Variants in PELI2 observed in about 807,000 individuals in gnomAD.
The protein encoded by PELI2 is E3 ubiquitin-protein ligase pellino homolog 2.
In PELI2, 23 loss-of-function variants were observed where a neutral mutation model predicts 42.3. The ratio of observed to expected loss-of-function variants is 0.54; its 90% CI spans 0.39 to 0.77. The LOEUF (loss-of-function observed/expected upper bound fraction) is 0.77. Ranked by LOEUF, PELI2 falls within the 30% of genes least tolerant of loss-of-function variation. The probability of loss-of-function intolerance (pLI) is 0.00; values close to 1 mark genes in which losing one functional copy is unlikely to be tolerated. For synonymous variants in PELI2, 245 were observed against 212.2 expected (o/e 1.15, Z -1.34); for missense variants, 463 against 553.2 (o/e 0.84, Z 1.64).
intron 2 of PELI2, among the ~76,000 whole-genome samples, chr14:56,195,078 AC>A (rs1886086027): frequency 6.6e-6 from 1 of 152,212 alleles, no homozygotes; most frequent in Non-Finnish European, 1.5e-5. Context: ...CTTTTCCTTG[AC>A]ACATGTTTTG....
rs969916503 is a variant in PELI2 at position 56,180,030 on chromosome 14, A to G, written c.207+1566A>G. ...TCTTCTTTAATCTTTAGCCACTGCC[A>G]TCTCCTCCCATTTTAGCCTTTTATG... On this transcript the variant is annotated intron_variant, in intron 2 of 5. Coordinates refer to ENST00000267460, the MANE Select transcript of PELI2 (RefSeq NM_021255.3). The surrounding 1 kb of genome is among the most constrained non-coding windows in gnomAD (Gnocchi z 4.4). 6.6e-6 allele frequency among the ~76,000 whole-genome samples: 1 copy of G among 152,184 alleles called. No homozygotes were observed. Among genetic ancestry groups the G allele is most frequent in the African/African-American group, 2.4e-5 (1 of 41,466 alleles).
chr14:56,263,799 CA>C (rs1347059425), intron 2 of PELI2, among the ~76,000 whole-genome samples: 2 of 151,870 alleles, frequency 1.3e-5, no homozygotes, highest in Non-Finnish European at 2.9e-5. Context: ...GTTTTATGCA[CA>C]AAAGTAGCTG....
rs114006349 is a variant in PELI2 at position 56,243,182 on chromosome 14, G to A, written c.208-36494G>A. 5.7e-4 allele frequency among the ~76,000 whole-genome samples: 87 copies of A among 152,312 alleles called. 1 individual carries two copies. The highest frequency in any genetic ancestry group is 2.0e-3 in the African/African-American group (83 of 41,572). ...AAAAAGAAAATGAAGGGAGTAACTTGGTAGGTCATGTAACACAGAACCAAC... is the reference window on the plus strand; with the variant it reads ...AAAAAGAAAATGAAGGGAGTAACTTAGTAGGTCATGTAACACAGAACCAAC... On this transcript the variant is annotated intron_variant, in intron 2 of 5. Coordinates refer to ENST00000267460, the MANE Select transcript of PELI2 (RefSeq NM_021255.3).
intron 1 of PELI2, 90 bp from the exon 2 acceptor site, chr14:56,178,245 C>A (rs539066078): frequency 1.5e-6 from 2 of 1,362,082 alleles, no homozygotes; most frequent in South Asian, 1.3e-5. Flanking sequence ...ATGACCATTC[C>A]TGTCTTTTCC....
In PELI2 at chr14:56,273,647, A is replaced by T. The variant is rs766675507; in HGVS notation, c.208-6029A>T. On this transcript the variant is annotated intron_variant, in intron 2 of 5. Coordinates refer to ENST00000267460, the MANE Select transcript of PELI2 (RefSeq NM_021255.3). This position sits in a 1 kb window ranked among gnomAD's most constrained non-coding sequence, Gnocchi z 4.3. ...CAGCCCGGCTTTGACTCCCTATTGGATTAATTATGAAGGTAATAATGCTAA... is the reference window on the plus strand; with the variant it reads ...CAGCCCGGCTTTGACTCCCTATTGGTTTAATTATGAAGGTAATAATGCTAA... 2.0e-4 allele frequency among the ~76,000 whole-genome samples: 31 copies of T among 152,180 alleles called. No homozygotes were observed. The highest frequency in any genetic ancestry group is 4.1e-4 in the Non-Finnish European group (28 of 68,030).
intron 1 of PELI2, among the ~76,000 whole-genome samples, chr14:56,169,873 A>G (rs991291593): frequency 3.3e-5 from 5 of 152,198 alleles, no homozygotes; most frequent in Admixed American, 2.0e-4. Context: ...CCATGCATAT[A>G]TGATAGGTTA....
intron 1 of PELI2, among the ~76,000 whole-genome samples, chr14:56,130,298 G>A (rs1451549952): frequency 2.0e-5 from 3 of 152,166 alleles, no homozygotes; most frequent in African/African-American, 7.2e-5. Context: ...ATCATTTTAT[G>A]CATGAAACTG....
intron 2 of PELI2, among the ~76,000 whole-genome samples, chr14:56,243,884 T>C (rs1189621316): frequency 6.6e-6 from 1 of 152,202 alleles, no homozygotes; most frequent in Admixed American, 6.5e-5. Context: ...AAAGAAAAAT[T>C]GTAAATAGAA....
intron 2 of PELI2, among the ~76,000 whole-genome samples, chr14:56,188,505 T>G (rs1885850597): frequency 6.6e-6 from 1 of 152,104 alleles, no homozygotes; most frequent in Non-Finnish European, 1.5e-5. Flanking sequence ...GAAAACTTGG[T>G]TTTTAGCCAC....
intron 1 of PELI2, among the ~76,000 whole-genome samples, chr14:56,124,367 G>A (rs1883172107): frequency 6.6e-6 from 1 of 152,198 alleles, no homozygotes; most frequent in Non-Finnish European, 1.5e-5. Flanking sequence ...GTTTTCTCAA[G>A]TGGGAGAGAA....
At chr14:56,209,386 A>G (rs573862087) in intron 2 of PELI2, among the ~76,000 whole-genome samples, 6 of 152,226 alleles carry the variant, frequency 3.9e-5, no homozygotes, top group Non-Finnish European at 7.3e-5. Context: ...TTTTCTTCAT[A>G]TACTTTCAAC....
chr14:56,277,440 T>C (rs777686416), intron 2 of PELI2, among the ~76,000 whole-genome samples: 28 of 151,990 alleles, frequency 1.8e-4, no homozygotes, highest in Admixed American at 4.6e-4. Flanking sequence ...GACCATCTAG[T>C]TGCAGGAAAA....
At chr14:56,128,857 T>C (rs1883377945) in intron 1 of PELI2, among the ~76,000 whole-genome samples, 1 of 151,712 alleles carries the variant, frequency 6.6e-6, no homozygotes, top group Non-Finnish European at 1.5e-5. Context: ...GTACAGGGTT[T>C]CGTGTACAGT....
At chr14:56,165,214 G>T (rs1201963806) in intron 1 of PELI2, among the ~76,000 whole-genome samples, 4 of 151,950 alleles carry the variant, frequency 2.6e-5, no homozygotes, top group African/African-American at 9.7e-5. Context: ...ATAGGTTTTG[G>T]TATGTTGTAT....
intron 2 of PELI2, among the ~76,000 whole-genome samples, chr14:56,234,358 C>T (rs1887703759): frequency 6.6e-6 from 1 of 152,170 alleles, no homozygotes; most frequent in South Asian, 2.1e-4. Context: ...GCCCAAATGT[C>T]CATCAATGAT....
chr14:56,295,094 T>C (rs912689565), intron 5 of PELI2, among the ~76,000 whole-genome samples: 1 of 152,086 alleles, frequency 6.6e-6, no homozygotes, highest in Non-Finnish European at 1.5e-5. Context: ...GTCTAATTTC[T>C]TTCTCTCTAG....
chr14:56,199,863 C>T (rs1222931609), intron 2 of PELI2, among the ~76,000 whole-genome samples: 1 of 152,230 alleles, frequency 6.6e-6, no homozygotes, highest in Non-Finnish European at 1.5e-5. Context: ...GTGCCATATA[C>T]ACAGGTGGTG....
intron 2 of PELI2, among the ~76,000 whole-genome samples, chr14:56,231,495 C>T (rs1887570457): frequency 6.6e-6 from 1 of 152,184 alleles, no homozygotes; most frequent in South Asian, 2.1e-4. Flanking sequence ...GAACAACCTG[C>T]TCCTGAATGA....
At chr14:56,213,563 G>C (rs915628049) in intron 2 of PELI2, among the ~76,000 whole-genome samples, 1 of 152,230 alleles carries the variant, frequency 6.6e-6, no homozygotes, top group Admixed American at 6.5e-5. Context: ...CATGTGGACT[G>C]TTGTCATTCA....
Sources: allele counts gnomAD v4.1 joint callset (sites outside exome capture counted in the v4.1 genomes callset), GRCh38; gene constraint gnomAD v4.1.1; non-coding constraint Gnocchi (gnomAD v3.1); transcripts MANE v1.5; gene names NCBI Gene and HGNC (gene_info 2026-07-23, HGNC 2026-07-21).